TNS4: variants seen among roughly 807,000 people sequenced by gnomAD.
TNS4 encodes the protein tensin-4.
In TNS4, 46 loss-of-function variants were observed where a neutral mutation model predicts 70.4. That is an observed-to-expected ratio of 0.65 (90% confidence interval 0.52 to 0.84). The LOEUF is 0.84. Ranked by LOEUF, TNS4 falls within the 40% of genes least tolerant of loss-of-function variation. TNS4 has a pLI of 0.00. For missense variants in TNS4, 863 were observed against 907.0 expected, an observed-to-expected ratio of 0.95 and a Z score of 0.62; for synonymous variants, 390 against 366.6, an observed-to-expected ratio of 1.06 and a Z score of -0.73.
At position 40,479,862 on chromosome 17, in the gene TNS4, C is replaced by T. The variant is rs372953004; in HGVS notation, c.1742-20G>A. On this transcript the variant is annotated intron_variant, in intron 9 of 12. Coordinates refer to ENST00000254051, the MANE Select transcript of TNS4 (RefSeq NM_032865.6). ...GGCAGCCTGTGGGAGGCAGACACTGCGCTGGGGCCACTGACCCAGGGCCCA... is the reference window on the plus strand; with the variant it reads ...GGCAGCCTGTGGGAGGCAGACACTGTGCTGGGGCCACTGACCCAGGGCCCA... 48 of 1,594,978 alleles carry T rather than the reference C, an allele frequency of 3.0e-5. No homozygotes were observed. Among genetic ancestry groups the T allele is most frequent in the Admixed American group, 5.3e-5 (3 of 57,134 alleles).
chr17:40,500,766 A>C (rs1171296717), intron 1 of TNS4, among the ~76,000 whole-genome samples: 1 of 152,008 alleles, frequency 6.6e-6, no homozygotes, highest in Non-Finnish European at 1.5e-5. Flanking sequence ...TGCACCCCCT[A>C]TTTTTGAAAA....
chr17:40,479,654 G>C lies in TNS4; in HGVS notation c.1910+20C>G. 1 of 1,607,864 alleles carries C rather than the reference G, an allele frequency of 6.2e-7. No individual in the cohort carries two copies. The highest frequency in any genetic ancestry group is 1.1e-5 in the South Asian group (1 of 90,480). On this transcript the variant is annotated intron_variant, in intron 10 of 12. Coordinates refer to ENST00000254051, the MANE Select transcript of TNS4 (RefSeq NM_032865.6). ...CTACTCCGCCAGCCCCGGAGCCCCA[G>C]GGCAAGGGAAGGCCCTTACTTCCTC...
chr17:40,489,579 G>A (rs1363023898), intron 2 of TNS4, among the ~76,000 whole-genome samples: 3 of 152,182 alleles, frequency 2.0e-5, no homozygotes, highest in South Asian at 2.1e-4. Flanking sequence ...AGGCCTAGGC[G>A]GGTGGATCAC....
chr17:40,483,690 G>A (rs909326529), intron 6 of TNS4, among the ~76,000 whole-genome samples: 7 of 152,128 alleles, frequency 4.6e-5, no homozygotes, highest in African/African-American at 9.7e-5. Context: ...CTTGCAAGGC[G>A]TCCTTTATAA....
chr17:40,477,615 A>G lies in TNS4; in HGVS notation c.2121T>C (p.Ala707=). 1 of 1,614,088 alleles carries G rather than the reference A, an allele frequency of 6.2e-7. No homozygotes were observed. Among genetic ancestry groups the G allele is most frequent in the Non-Finnish European group, 8.5e-7 (1 of 1,180,006 alleles). The stretch of plus-strand genomic sequence containing the variant: ...ACATCCTTTCTGCGTCCTGCAGCAG[A>G]GCAGTCACCAGGCCGATGACCTGCG... ...PASQVIGLVT[A]LLQDAERM Residue 707 remains alanine (A), a synonymous_variant, in exon 13 of 13, where the codon GCT becomes GCC. Coordinates refer to ENST00000254051, the MANE Select transcript of TNS4 (RefSeq NM_032865.6).
At chr17:40,482,817 C>T (rs1366715440) in intron 6 of TNS4, among the ~76,000 whole-genome samples, 1 of 152,088 alleles carries the variant, frequency 6.6e-6, no homozygotes, top group African/African-American at 2.4e-5. Context: ...CATCCCCCTG[C>T]CTCTCCCTCC....
intron 1 of TNS4, among the ~76,000 whole-genome samples, chr17:40,499,683 G>T (rs1025069045): frequency 1.3e-5 from 2 of 152,260 alleles, no homozygotes; most frequent in African/African-American, 4.8e-5. Context: ...AATGGAAGTG[G>T]AAGGGAGCCG....
rs1246208936 is a variant in TNS4 at position 40,482,131 on chromosome 17, C to G, written c.1670G>C (p.Arg557Thr). The change falls in exon 8 of 13, where the codon AGA (arginine) becomes ACA (threonine). Residue 557 changes from arginine (R) to threonine (T), a missense_variant and splice_region_variant. Arg to Thr is a moderately conservative substitution (Grantham distance 71). Coordinates refer to ENST00000254051, the MANE Select transcript of TNS4 (RefSeq NM_032865.6). Reference protein sequence around the residue: ...ALPCKLTIPQRELGGADGASD... With the variant: ...ALPCKLTIPQTELGGADGASD... ...GCCTCTTTGGGGCCCAGACCCACCT[C>G]TCTGTGGGATGGTGAGTTTGCAGGG... 1.2e-6 allele frequency: 2 copies of G among 1,614,034 alleles called. No individual in the cohort carries two copies. The highest frequency in any genetic ancestry group is 1.7e-6 in the Non-Finnish European group (2 of 1,180,010).
intron 2 of TNS4, among the ~76,000 whole-genome samples, chr17:40,491,636 C>T (rs2036067129): frequency 6.6e-6 from 1 of 151,854 alleles, no homozygotes; most frequent in Admixed American, 6.6e-5. Context: ...CATCAGGGAC[C>T]TTGCTGGGGT....
At chr17:40,499,263 C>A (rs1316315349) in intron 1 of TNS4, among the ~76,000 whole-genome samples, 1 of 152,064 alleles carries the variant, frequency 6.6e-6, no homozygotes, top group African/African-American at 2.4e-5. Context: ...GTCACGTACC[C>A]CCTGCTTGCT....
intron 1 of TNS4, among the ~76,000 whole-genome samples, chr17:40,500,417 C>T (rs1474854172): frequency 2.0e-5 from 3 of 152,196 alleles, no homozygotes; most frequent in Admixed American, 2.0e-4. Flanking sequence ...CTAACTTGCT[C>T]TTTCTTGCTG....
At chr17:40,492,499 T>C (rs1054577334) in intron 2 of TNS4, among the ~76,000 whole-genome samples, 3 of 152,022 alleles carry the variant, frequency 2.0e-5, no homozygotes, top group Non-Finnish European at 2.9e-5. Context: ...CTCCCAATAG[T>C]TGGGACTACA....
rs781292893 is a variant in TNS4, at chr17:40,487,255, G to A, written c.1069C>T (p.His357Tyr). The change falls in exon 4 of 13, where the codon CAT (histidine) becomes TAT (tyrosine). Residue 357 changes from histidine to tyrosine, a missense_variant. Coordinates refer to ENST00000254051, the MANE Select transcript of TNS4 (RefSeq NM_032865.6). ...ATGGATGGGGGGCAGCTGCTGGCATGTTCTTTGGCCAGTGGTGGAGAGTGG... is the reference window on the plus strand; with the variant it reads ...ATGGATGGGGGGCAGCTGCTGGCATATTCTTTGGCCAGTGGTGGAGAGTGG... ...TPHSPPLAKE[H>Y]ASSCPPSITN... 5 of 1,614,120 alleles carry A rather than the reference G, an allele frequency of 3.1e-6. No homozygotes were observed. The highest frequency in any genetic ancestry group is 2.2e-5 in the East Asian group (1 of 44,900).
intron 2 of TNS4, among the ~76,000 whole-genome samples, chr17:40,492,826 G>GATC (rs1280239805): frequency 1.3e-5 from 2 of 151,870 alleles, no homozygotes; most frequent in Non-Finnish European, 2.9e-5. Flanking sequence ...CACCGAGGTG[G>GATC]ACGAGGTCAA....
intron 2 of TNS4, 107 bp downstream of exon 2, chr17:40,495,880 C>T: frequency 7.9e-7 from 1 of 1,266,184 alleles, no homozygotes; most frequent in South Asian, 1.6e-5. Context: ...GTTTGCACAG[C>T]ACCTCCCAAC....
At chr17:40,496,557 G>A (rs2036148519) in intron 1 of TNS4, 37 bp from the exon 2 acceptor site, 4 of 931,500 alleles carry the variant, frequency 4.3e-6, no homozygotes. Flanking sequence ...AGTAATTTCT[G>A]TAGGTGAAGC....
intron 6 of TNS4, 77 bp from the exon 7 acceptor site, chr17:40,482,493 C>T: frequency 6.9e-7 from 1 of 1,452,148 alleles, no homozygotes; most frequent in Non-Finnish European, 9.6e-7. Flanking sequence ...CCTGTAATCC[C>T]AGCACTTTGG....
At chr17:40,500,380 G>A (rs975428089) in intron 1 of TNS4, among the ~76,000 whole-genome samples, 3 of 152,132 alleles carry the variant, frequency 2.0e-5, no homozygotes, top group African/African-American at 7.2e-5. Context: ...CCTGAATGCT[G>A]CCCCCTTCGC....
At chr17:40,491,382 T>G (rs2036064123) in intron 2 of TNS4, among the ~76,000 whole-genome samples, 1 of 152,204 alleles carries the variant, frequency 6.6e-6, no homozygotes, top group Non-Finnish European at 1.5e-5. Flanking sequence ...GGGATATTAT[T>G]AATGCCCATA....
Sources: gnomAD v4.1 joint callset for allele counts (sites outside exome capture counted in the v4.1 genomes callset) on GRCh38, gnomAD v4.1.1 for gene constraint, MANE v1.5 for transcripts, NCBI Gene and HGNC (gene_info 2026-07-23, HGNC 2026-07-21) for gene names.